CEP112: variants seen among roughly 807,000 people sequenced by gnomAD.
CEP112 encodes the protein centrosomal protein 112, also known as centrosomal protein of 112 kDa.
A neutral mutation model predicts 153.0 loss-of-function variants in CEP112; 127 were observed. The ratio of observed to expected loss-of-function variants is 0.83; its 90% confidence interval spans 0.72 to 0.96. The LOEUF (loss-of-function observed/expected upper bound fraction) is 0.96. CEP112 is among the 40% of genes least tolerant of loss of function. CEP112 has a pLI of 0.00. For synonymous variants in CEP112, 358 were observed against 374.4 expected (o/e 0.96, Z 0.51); for missense variants, 1,089 against 1,101.2 (o/e 0.99, Z 0.16).
intron 22 of CEP112, 76 bp from the exon 23 acceptor site, chr17:65,743,293 C>A: frequency 8.7e-7 from 1 of 1,151,802 alleles, no homozygotes; most frequent in Non-Finnish European, 1.2e-6. Flanking sequence ...TGATGCTTAA[C>A]AAAAGAATGG....
chr17:65,979,223 T>A (rs1253537129), intron 17 of CEP112, among the ~76,000 whole-genome samples: 2 of 36,888 alleles, frequency 5.4e-5, no homozygotes, highest in Non-Finnish European at 1.5e-4. Context: ...AGGCATTTTG[T>A]TTATTTTTAA....
intron 4 of CEP112, among the ~76,000 whole-genome samples, chr17:66,136,164 G>A (rs2070427546): frequency 6.6e-6 from 1 of 152,148 alleles, no homozygotes; most frequent in Non-Finnish European, 1.5e-5. Context: ...CTGAATCTTA[G>A]CTGTGACAGG....
intron 23 of CEP112, among the ~76,000 whole-genome samples, chr17:65,697,402 G>A (rs1477174347): frequency 2.6e-5 from 4 of 152,100 alleles, no homozygotes; most frequent in African/African-American, 9.7e-5. Flanking sequence ...CTGATGAGTA[G>A]GTCTCCTTTT....
intron 6 of CEP112, 136 bp downstream of exon 6, chr17:66,129,610 C>T: frequency 3.7e-6 from 2 of 543,004 alleles, no homozygotes; most frequent in South Asian, 3.2e-5. Context: ...ATACTTAAGC[C>T]CTTCTCAAGG....
intron 6 of CEP112, among the ~76,000 whole-genome samples, chr17:66,123,111 G>C (rs2146471086): frequency 6.6e-6 from 1 of 152,290 alleles, no homozygotes. Flanking sequence ...GCATCTCTTG[G>C]AGTGAAATCT....
intron 21 of CEP112, among the ~76,000 whole-genome samples, chr17:65,757,521 A>C (rs1366921311): frequency 6.6e-6 from 1 of 152,190 alleles, no homozygotes; most frequent in Non-Finnish European, 1.5e-5. Context: ...AAGCATCAGG[A>C]CCCACTTGAA....
At chr17:65,878,318 C>A (rs2146568111) in intron 20 of CEP112, among the ~76,000 whole-genome samples, 1 of 152,198 alleles carries the variant, frequency 6.6e-6, no homozygotes, top group South Asian at 2.1e-4. Flanking sequence ...TCAAATTATG[C>A]ATCTTAAACA....
intron 17 of CEP112, 129 bp from the exon 18 acceptor site, chr17:65,961,727 TCC>T (rs2062211294): frequency 1.2e-6 from 1 of 803,086 alleles, no homozygotes; most frequent in Non-Finnish European, 1.9e-6. Context: ...CTACAAAACT[TCC>T]CTTTAGAAAT....
chr17:65,808,391 C>G (rs2055741315), intron 21 of CEP112, among the ~76,000 whole-genome samples: 1 of 152,058 alleles, frequency 6.6e-6, no homozygotes, highest in South Asian at 2.1e-4. Context: ...TGAGTTAAGA[C>G]TTTGGGGGAC....
chr17:65,709,059 T>G (rs2049048996), intron 23 of CEP112, among the ~76,000 whole-genome samples: 1 of 152,308 alleles, frequency 6.6e-6, no homozygotes, highest in South Asian at 2.1e-4. Context: ...TGCATTTTTC[T>G]TGGCCTGCTG....
At chr17:65,826,337 G>A (rs1266265787) in intron 21 of CEP112, 9 of 1,613,340 alleles carry the variant, frequency 5.6e-6, no homozygotes, top group South Asian at 3.3e-5. Flanking sequence ...AAGCAGTGAT[G>A]AGAGCCCTCA....
At chr17:66,135,987 A>G (rs1405466755) in intron 4 of CEP112, among the ~76,000 whole-genome samples, 7 of 152,164 alleles carry the variant, frequency 4.6e-5, no homozygotes, top group Middle Eastern at 3.2e-3. Context: ...TAAATTCAAC[A>G]ACAATACATA....
intron 23 of CEP112, among the ~76,000 whole-genome samples, chr17:65,711,226 G>C (rs1057372867): frequency 5.3e-5 from 8 of 152,174 alleles, no homozygotes; most frequent in South Asian, 2.1e-4. Context: ...TAGTCTAGTG[G>C]TGAAACCTTC....
chr17:65,836,095 G>C (rs1246780838), intron 21 of CEP112, among the ~76,000 whole-genome samples: 2 of 151,798 alleles, frequency 1.3e-5, no homozygotes, highest in Admixed American at 6.6e-5. Flanking sequence ...TAAGCCTCGT[G>C]GTGGCCACAA....
At chr17:66,119,198 G>A (rs2069453788) in intron 6 of CEP112, among the ~76,000 whole-genome samples, 2 of 152,142 alleles carry the variant, frequency 1.3e-5, no homozygotes, top group African/African-American at 2.4e-5. Context: ...TGTCAGGGGA[G>A]GCTAGAGGGT....
At chr17:65,864,419 T>C (rs2058415073) in intron 20 of CEP112, among the ~76,000 whole-genome samples, 1 of 152,208 alleles carries the variant, frequency 6.6e-6, no homozygotes, top group Non-Finnish European at 1.5e-5. Context: ...AGCTCCTGAC[T>C]TCCTCATCAC....
chr17:66,096,693 T>G, intron 6 of CEP112, 61 bp from the exon 7 acceptor site: 1 of 1,078,616 alleles, frequency 9.3e-7, no homozygotes. Context: ...TAATTATTAT[T>G]TGATAAAATA....
At chr17:66,001,452 GA>G (rs530844093) in intron 17 of CEP112, among the ~76,000 whole-genome samples, 186 of 152,180 alleles carry the variant, frequency 1.2e-3, no homozygotes, top group Middle Eastern at 3.4e-3. Context: ...AATACTAACT[GA>G]AAAATAGAAA....
intron 17 of CEP112, among the ~76,000 whole-genome samples, chr17:65,969,575 A>C (rs1231248304): frequency 6.6e-6 from 1 of 152,236 alleles, no homozygotes; most frequent in African/African-American, 2.4e-5. Flanking sequence ...TATTACACAC[A>C]AGTATACACA....
Sources: gnomAD v4.1 joint callset for allele counts (sites outside exome capture counted in the v4.1 genomes callset) on GRCh38, gnomAD v4.1.1 for gene constraint, MANE v1.5 for transcripts, NCBI Gene and HGNC (gene_info 2026-07-23, HGNC 2026-07-21) for gene names.